Variants in FHIT observed in about 807,000 individuals in gnomAD.
FHIT encodes fragile histidine triad diadenosine triphosphatase.
FHIT carries 19 observed loss-of-function variants against 17.9 expected under a neutral mutation model. That is an observed-to-expected ratio of 1.06 (90% CI 0.74 to 1.56). FHIT has a LOEUF of 1.56. Among genes scored for constraint, FHIT ranks in the 40% most tolerant of loss-of-function variants. The pLI is 0.00. For synonymous variants in FHIT, 81 were observed against 69.7 expected (o/e 1.16, Z -0.81); for missense variants, 248 against 189.2 (o/e 1.31, Z -1.82).
intron 5 of FHIT, among the ~76,000 whole-genome samples, chr3:60,140,601 A>C (rs1331593724): frequency 7.0e-6 from 1 of 142,466 alleles, no homozygotes; most frequent in East Asian, 2.1e-4. Flanking sequence ...TTTTTGAGAC[A>C]GAGTTTCGCT....
intron 5 of FHIT, among the ~76,000 whole-genome samples, chr3:60,380,650 T>A (rs1361382630): frequency 3.3e-5 from 5 of 152,166 alleles, no homozygotes; most frequent in African/African-American, 1.2e-4. Flanking sequence ...TCCGTACACG[T>A]CCAAGTTTAG....
chr3:60,259,615 G>C (rs1706192476), intron 5 of FHIT, among the ~76,000 whole-genome samples: 1 of 152,052 alleles, frequency 6.6e-6, no homozygotes, highest in Admixed American at 6.6e-5. Context: ...TAAATCCTTA[G>C]AGTAACTCCA....
chr3:60,596,794 A>G (rs1198646834), intron 4 of FHIT, among the ~76,000 whole-genome samples: 4 of 152,144 alleles, frequency 2.6e-5, no homozygotes, highest in Non-Finnish European at 5.9e-5. Context: ...ATCTCATAAT[A>G]CAACGCCTAG....
chr3:59,801,790 C>T (rs772323198), intron 8 of FHIT, among the ~76,000 whole-genome samples: 2 of 152,136 alleles, frequency 1.3e-5, no homozygotes, highest in Admixed American at 6.5e-5. Flanking sequence ...TGAGGTCACT[C>T]GGGTATCTGG....
At chr3:60,967,107 C>T (rs1709783238) in intron 3 of FHIT, among the ~76,000 whole-genome samples, 3 of 152,042 alleles carry the variant, frequency 2.0e-5, no homozygotes. Flanking sequence ...AATACATTAC[C>T]ATTACTCTTA....
At chr3:59,934,072 T>A (rs1054271391) in intron 7 of FHIT, among the ~76,000 whole-genome samples, 1 of 152,146 alleles carries the variant, frequency 6.6e-6, no homozygotes, top group Non-Finnish European at 1.5e-5. Flanking sequence ...CTTTACTTAT[T>A]ATCATCACAA....
At chr3:59,954,178 T>A (rs949776025) in intron 7 of FHIT, among the ~76,000 whole-genome samples, 2 of 151,292 alleles carry the variant, frequency 1.3e-5, no homozygotes, top group Middle Eastern at 3.5e-3. Context: ...GCCACAATAA[T>A]CATGTAAGGG....
intron 3 of FHIT, among the ~76,000 whole-genome samples, chr3:60,901,760 T>C (rs62251568): frequency 0.23 from 35,709 of 152,076 alleles, 4,391 homozygotes; most frequent in Middle Eastern, 0.32. Flanking sequence ...TTTCAGCATG[T>C]GTACTAGGAT....
intron 2 of FHIT, among the ~76,000 whole-genome samples, chr3:61,105,679 T>G (rs896349793): frequency 6.6e-6 from 1 of 152,156 alleles, no homozygotes; most frequent in Non-Finnish European, 1.5e-5. Context: ...CTCAAAAGCC[T>G]GGATTTGGGT....
At chr3:60,333,128 C>T (rs1195299867) in intron 5 of FHIT, among the ~76,000 whole-genome samples, 1 of 152,212 alleles carries the variant, frequency 6.6e-6, no homozygotes, top group Non-Finnish European at 1.5e-5. Context: ...TGACTTATAA[C>T]ATTGGCTGAA....
At chr3:59,896,925 G>C (rs1704097108) in intron 8 of FHIT, among the ~76,000 whole-genome samples, 1 of 152,126 alleles carries the variant, frequency 6.6e-6, no homozygotes, top group South Asian at 2.1e-4. Context: ...AAAGAAGCCA[G>C]AAACATGTTA....
At chr3:60,208,566 T>A (rs1013511007) in intron 5 of FHIT, among the ~76,000 whole-genome samples, 6 of 152,210 alleles carry the variant, frequency 3.9e-5, no homozygotes, top group African/African-American at 1.4e-4. Flanking sequence ...TTTTCTGCAT[T>A]AGTCCCATGT....
At chr3:61,046,525 G>A (rs927110240) in intron 2 of FHIT, among the ~76,000 whole-genome samples, 5 of 152,106 alleles carry the variant, frequency 3.3e-5, no homozygotes, top group African/African-American at 1.2e-4. Flanking sequence ...AAAAGTCCAG[G>A]ACCCAGATGG....
Position 60,279,616 on chromosome 3 carries a change from A to G in FHIT, c.103+257244T>C, listed in dbSNP as rs1287160299. Reference sequence around the variant, plus strand: ...ATACACGTGCAAACCCCATTAAAAGAAAGAAAAACTAGAAATTAATATCGC... The same window carrying G: ...ATACACGTGCAAACCCCATTAAAAGGAAGAAAAACTAGAAATTAATATCGC... On this transcript the variant is annotated intron_variant, in intron 5 of 9. Coordinates refer to ENST00000492590, the MANE Select transcript of FHIT (RefSeq NM_002012.4). Among the ~76,000 whole-genome samples, 13 of 152,164 alleles carry G rather than the reference A, an allele frequency of 8.5e-5. No homozygotes were observed. The East Asian group carries it at 2.5e-3, about 29-fold the overall frequency.
At chr3:60,124,375 T>C (rs1043289014) in intron 5 of FHIT, among the ~76,000 whole-genome samples, 2 of 152,032 alleles carry the variant, frequency 1.3e-5, no homozygotes, top group Admixed American at 6.6e-5. Flanking sequence ...ATTAATAAAA[T>C]GTCTATCTTT....
intron 3 of FHIT, among the ~76,000 whole-genome samples, chr3:60,850,213 C>A (rs1385836294): frequency 6.6e-6 from 1 of 151,602 alleles, no homozygotes; most frequent in Non-Finnish European, 1.5e-5. Context: ...ATCTAAAGTA[C>A]CTACCTTTAT....
rs17063073 is a variant in FHIT at position 60,426,669 on chromosome 3, A to G, written c.103+110191T>C. On this transcript the variant is annotated intron_variant, in intron 5 of 9. Transcript: ENST00000492590. ...CCTTAGTCAACACCCTCTCTAGAAC[A>G]TTACAAATTATTCACCGTTTGATCA... 9.3e-3 allele frequency among the ~76,000 whole-genome samples: 1,419 copies of G among 152,246 alleles called. 15 individuals are homozygous for G. Among genetic ancestry groups the G allele is most frequent in the East Asian group, 0.037 (192 of 5,160 alleles).
intron 8 of FHIT, among the ~76,000 whole-genome samples, chr3:59,817,698 C>A (rs145478425): frequency 6.6e-6 from 1 of 152,108 alleles, no homozygotes; most frequent in African/African-American, 2.4e-5. Flanking sequence ...GTTTCACATT[C>A]GTTTCGGCTT....
chr3:60,447,664 T>TA (rs966526436), intron 5 of FHIT, among the ~76,000 whole-genome samples: 23 of 151,984 alleles, frequency 1.5e-4, no homozygotes, highest in Middle Eastern at 3.4e-3. Flanking sequence ...AATACAATAA[T>TA]AAAAAAAATC....
Sources: allele counts gnomAD v4.1 joint callset (sites outside exome capture counted in the v4.1 genomes callset), GRCh38; gene constraint gnomAD v4.1.1; transcripts MANE v1.5; gene names NCBI Gene and HGNC (gene_info 2026-07-23, HGNC 2026-07-21).